Variants in SOHLH2 observed in about 807,000 individuals in gnomAD.
SOHLH2 encodes spermatogenesis and oogenesis specific basic helix-loop-helix 2.
A neutral mutation model predicts 50.4 loss-of-function variants in SOHLH2; 22 were observed. The ratio of observed to expected loss-of-function variants is 0.44; its 90% CI spans 0.31 to 0.62. The LOEUF (loss-of-function observed/expected upper bound fraction) is 0.62. SOHLH2 is among the 20% of genes least tolerant of loss of function. SOHLH2 has a pLI of 0.08. For missense variants in SOHLH2, 412 were observed against 504.4 expected (o/e 0.82, Z 1.76); for synonymous variants, 185 against 187.3 (o/e 0.99, Z 0.10).
intron 1 of SOHLH2, 86 bp downstream of exon 1, chr13:36,214,393 G>A (rs1869312854): frequency 2.0e-6 from 3 of 1,496,736 alleles, no homozygotes; most frequent in Admixed American, 2.0e-5. Context: ...TCCCCAGGCC[G>A]GGCTTTGAGG....
At chr13:36,173,236 C>T (rs1887007828) in intron 9 of SOHLH2, among the ~76,000 whole-genome samples, 1 of 152,120 alleles carries the variant, frequency 6.6e-6, no homozygotes. Flanking sequence ...AAACAAAACA[C>T]ACAAGTAAAG....
At chr13:36,212,615 G>C (rs529120438) in intron 1 of SOHLH2, among the ~76,000 whole-genome samples, 5 of 152,252 alleles carry the variant, frequency 3.3e-5, no homozygotes, top group East Asian at 1.9e-4. Context: ...CCAGTGTTAG[G>C]CTTCGTTTGA....
intron 2 of SOHLH2, among the ~76,000 whole-genome samples, chr13:36,196,316 G>A (rs1190818438): frequency 6.6e-6 from 1 of 151,850 alleles, no homozygotes; most frequent in Admixed American, 6.6e-5. Flanking sequence ...AGTAGAGATG[G>A]GTTCTCACTA....
chr13:36,189,900 T>C (rs770352189), intron 6 of SOHLH2, 46 bp downstream of exon 6: 1 of 1,501,276 alleles, frequency 6.7e-7, no homozygotes, highest in South Asian at 1.3e-5. Flanking sequence ...CATTAATTTC[T>C]CCCTACAAAA....
At chr13:36,184,578 GCCTCCCGAGTAGCTGGGACTA>G in intron 6 of SOHLH2, among the ~76,000 whole-genome samples, 1 of 150,496 alleles carries the variant, frequency 6.6e-6, no homozygotes, top group South Asian at 2.1e-4. Context: ...TCCTTCCTCA[GCCTCCCGAGTAGCTGGGACTA>G]CAGGCGCCTG....
intron 6 of SOHLH2, among the ~76,000 whole-genome samples, chr13:36,184,590 G>C (rs1045794682): frequency 2.6e-5 from 4 of 151,486 alleles, no homozygotes; most frequent in Non-Finnish European, 5.9e-5. Flanking sequence ...CTCCCGAGTA[G>C]CTGGGACTAC....
intron 9 of SOHLH2, among the ~76,000 whole-genome samples, chr13:36,172,741 C>T (rs116181097): frequency 2.0e-5 from 3 of 152,134 alleles, no homozygotes; most frequent in Non-Finnish European, 4.4e-5. Flanking sequence ...TTGGTACTAA[C>T]TAGCGCAGGT....
At chr13:36,207,242 A>T (rs1426464514) in intron 1 of SOHLH2, among the ~76,000 whole-genome samples, 3 of 152,038 alleles carry the variant, frequency 2.0e-5, no homozygotes, top group Non-Finnish European at 4.4e-5. Context: ...AATTGTGAAC[A>T]TTTACAATTT....
Position 36,214,468 on chromosome 13 carries a change from C to T in SOHLH2, c.48+11G>A, listed in dbSNP as rs772906790. 1 of 1,612,486 alleles carries T rather than the reference C, an allele frequency of 6.2e-7. No individual in the cohort carries two copies. Among genetic ancestry groups the T allele is most frequent in the Non-Finnish European group, 8.5e-7 (1 of 1,179,350 alleles). ...ATAAACGCAGCTGCCTCCCCTTCCA[C>T]AGCCTCTTACCTGGCCCGAGATCTG... On this transcript the variant is annotated intron_variant, in intron 1 of 10. Coordinates refer to ENST00000379881, the MANE Select transcript of SOHLH2 (RefSeq NM_017826.3).
In SOHLH2 at chr13:36,173,698, C is replaced by A. The variant is rs1887025074; in HGVS notation, c.994G>T (p.Val332Leu). Residue 332 changes from valine (V) to leucine (L), a missense_variant, in exon 9 of 11, where the codon GTG becomes TTG. Physicochemically the swap from Val to Leu is conservative, Grantham distance 32. Coordinates refer to ENST00000379881, the MANE Select transcript of SOHLH2 (RefSeq NM_017826.3). ...PDAESSLDEA[V>L]RVPSSSASEN... ...GATGCTAGGAGAAGCTCACCTCTCACAGCTTCATCCAAGGAGCTCTCTGCA... is the reference window on the plus strand; with the variant it reads ...GATGCTAGGAGAAGCTCACCTCTCAAAGCTTCATCCAAGGAGCTCTCTGCA... The A allele has an allele frequency of 6.2e-7, 1 of 1,612,964 alleles. No individual in the cohort carries two copies. The highest frequency in any genetic ancestry group is 8.5e-7 in the Non-Finnish European group (1 of 1,179,888).
chr13:36,182,332 T>G, intron 6 of SOHLH2: 1 of 976,078 alleles, frequency 1.0e-6, no homozygotes, highest in Non-Finnish European at 1.2e-6. Flanking sequence ...CACTGAAAAT[T>G]ACTTATTTCT....
At position 36,189,934 on chromosome 13, in the gene SOHLH2, A is replaced by G; in HGVS notation, c.641+12T>C. ...AAGAATAATGCTTAAAAAGTGCTAT[A>G]TTAAAATTCACCTTCTTAGTTTTTC... is the stretch of plus-strand genomic sequence containing the variant. On this transcript the variant is annotated intron_variant, in intron 6 of 10. Transcript: ENST00000379881. 1 of 1,582,402 alleles carries G rather than the reference A, an allele frequency of 6.3e-7. No individual in the cohort carries two copies. The highest frequency in any genetic ancestry group is 1.8e-5 in the Admixed American group (1 of 55,278).
intron 10 of SOHLH2, 133 bp downstream of exon 10, chr13:36,170,398 G>C (rs1886929788): frequency 7.1e-7 from 1 of 1,413,752 alleles, no homozygotes; most frequent in Non-Finnish European, 9.3e-7. Context: ...CACTCATCAG[G>C]GTAGAGAGAC....
At chr13:36,187,239 G>A (rs755445462) in intron 6 of SOHLH2, among the ~76,000 whole-genome samples, 19 of 151,998 alleles carry the variant, frequency 1.3e-4, no homozygotes, top group Non-Finnish European at 2.6e-4. Context: ...AAACTAACAC[G>A]TAACTTTGGG....
chr13:36,206,201 T>A (rs1464984671), intron 1 of SOHLH2, among the ~76,000 whole-genome samples: 3 of 152,040 alleles, frequency 2.0e-5, no homozygotes, highest in Non-Finnish European at 4.4e-5. Flanking sequence ...ATATTTCACA[T>A]TCTCAACATC....
At chr13:36,175,464 T>G (rs1271476743) in intron 6 of SOHLH2, among the ~76,000 whole-genome samples, 1 of 152,216 alleles carries the variant, frequency 6.6e-6, no homozygotes, top group Admixed American at 6.5e-5. Context: ...CAGACCAGGA[T>G]GCAGGTATCA....
intron 1 of SOHLH2, among the ~76,000 whole-genome samples, chr13:36,213,171 G>A (rs1259827219): frequency 6.6e-6 from 1 of 152,104 alleles, no homozygotes; most frequent in Admixed American, 6.5e-5. Flanking sequence ...GGCACACAAA[G>A]GGGTCAGTTG....
intron 6 of SOHLH2, among the ~76,000 whole-genome samples, chr13:36,176,589 ATGT>A (rs1887102225): frequency 6.6e-6 from 1 of 152,104 alleles, no homozygotes; most frequent in Non-Finnish European, 1.5e-5. Context: ...AAACTCATTT[ATGT>A]TTTATAATAT....
At chr13:36,188,703 T>A (rs1887494795) in intron 6 of SOHLH2, among the ~76,000 whole-genome samples, 1 of 152,220 alleles carries the variant, frequency 6.6e-6, no homozygotes, top group African/African-American at 2.4e-5. Flanking sequence ...ATTCTTCTTA[T>A]CTCCTTAGTA....
Sources: allele counts gnomAD v4.1 joint callset (sites outside exome capture counted in the v4.1 genomes callset), GRCh38; gene constraint gnomAD v4.1.1; transcripts MANE v1.5; gene names NCBI Gene and HGNC (gene_info 2026-07-23, HGNC 2026-07-21).